Variants in LSM6 observed in about 807,000 individuals in gnomAD.
LSM6 encodes the protein U6 snRNA-associated Sm-like protein LSm6.
Under a neutral mutation model 13.5 loss-of-function variants are expected in LSM6, and 2 were observed. That is an observed-to-expected ratio of 0.15 (90% CI 0.06 to 0.47). The LOEUF is 0.47. Ranked by LOEUF, LSM6 falls within the 20% of genes least tolerant of loss-of-function variation. LSM6 has a pLI of 0.97. For missense variants in LSM6, 58 were observed against 96.4 expected (o/e 0.60, Z 1.67); for synonymous variants, 43 against 34.9 (o/e 1.23, Z -0.82).
chr4:146,179,882 G>A (rs1227947116), intron 1 of LSM6, among the ~76,000 whole-genome samples: 1 of 152,178 alleles, frequency 6.6e-6, no homozygotes, highest in Non-Finnish European at 1.5e-5. Flanking sequence ...TGTTCAAATA[G>A]ATTGCTGGCT....
chr4:146,188,617 G>A (rs1730398831), intron 3 of LSM6, among the ~76,000 whole-genome samples: 1 of 152,144 alleles, frequency 6.6e-6, no homozygotes, highest in Non-Finnish European at 1.5e-5. Flanking sequence ...AAGCCGAGTA[G>A]GCATGGAAGG....
intron 1 of LSM6, among the ~76,000 whole-genome samples, chr4:146,177,063 G>A (rs1238188750): frequency 2.0e-5 from 3 of 152,010 alleles, no homozygotes; most frequent in Admixed American, 6.6e-5. Flanking sequence ...TGGCGTTAAT[G>A]CGTTAGACTA....
At chr4:146,177,621 ATTTT>A (rs201188013) in intron 1 of LSM6, among the ~76,000 whole-genome samples, 1 of 151,730 alleles carries the variant, frequency 6.6e-6, no homozygotes, top group Non-Finnish European at 1.5e-5. Flanking sequence ...CCAAAGAACA[ATTTT>A]TTTTATTTTT....
At chr4:146,189,104 C>T (rs1294097795) in intron 3 of LSM6, among the ~76,000 whole-genome samples, 1 of 151,954 alleles carries the variant, frequency 6.6e-6, no homozygotes, top group Non-Finnish European at 1.5e-5. Context: ...GTCCTCCCAC[C>T]TCAGCGTTCT....
chr4:146,184,075 C>G (rs1226951725), intron 2 of LSM6, among the ~76,000 whole-genome samples: 1 of 152,004 alleles, frequency 6.6e-6, no homozygotes, highest in Non-Finnish European at 1.5e-5. Flanking sequence ...GCTACGTCCT[C>G]CAGAGAGGAG....
intron 1 of LSM6, among the ~76,000 whole-genome samples, chr4:146,177,371 C>T (rs1172008503): frequency 3.3e-5 from 5 of 152,286 alleles, no homozygotes; most frequent in South Asian, 2.1e-4. Flanking sequence ...TTTTAATCAT[C>T]GGAGAGACCT....
In LSM6 at chr4:146,189,827, T is replaced by G; in HGVS notation, c.*171T>G. ...CAATTGTGGATTTAATTGTGAAATG[T>G]TCTTTCACTTGTAAGTTTCAGTCAT... On this transcript the variant is annotated 3_prime_UTR_variant, in exon 4 of 4. Transcript: ENST00000296581. 1 of 540,384 alleles carries G rather than the reference T, an allele frequency of 1.9e-6. No homozygotes were observed. Among genetic ancestry groups the G allele is most frequent in the Non-Finnish European group, 3.3e-6 (1 of 305,406 alleles). The allele number at this position is 540,384 out of a possible 1,614,324, so 33.5% of individuals were successfully genotyped here. A position where few individuals can be genotyped will look rare whatever the true frequency, so the allele number is the denominator to read the frequency against.
At chr4:146,188,862 G>A (rs1365338223) in intron 3 of LSM6, among the ~76,000 whole-genome samples, 1 of 151,770 alleles carries the variant, frequency 6.6e-6, no homozygotes, top group Non-Finnish European at 1.5e-5. Context: ...TTATCCTGTT[G>A]CATTTAAGAA....
intron 3 of LSM6, among the ~76,000 whole-genome samples, 154 bp from the exon 4 acceptor site, chr4:146,189,468 C>A (rs1730421162): frequency 6.6e-6 from 1 of 151,778 alleles, no homozygotes; most frequent in African/African-American, 2.4e-5. Context: ...TAAAACTAGT[C>A]TTACAGTACT....
At chr4:146,183,059 T>TC in intron 2 of LSM6, 44 bp downstream of exon 2, 1 of 1,326,234 alleles carries the variant, frequency 7.5e-7, no homozygotes, top group Non-Finnish European at 1.1e-6. Flanking sequence ...ACTGAATAAG[T>TC]AAATGTGACT....
intron 1 of LSM6, 122 bp from the exon 2 acceptor site, chr4:146,182,790 G>A (rs542872033): frequency 1.8e-5 from 11 of 620,464 alleles, no homozygotes; most frequent in African/African-American, 9.3e-5. Flanking sequence ...AGTAATACGC[G>A]TCTTCTCGCA....
In LSM6 at chr4:146,187,123, T is replaced by TAAAAAA. The variant is rs1730367279; in HGVS notation, c.95-151_95-150insAAAAAA. On this transcript the variant is annotated intron_variant, in intron 2 of 3. Transcript: ENST00000296581. ...AGATTGGCATAGAGTTGTTTTGTGCTTAAGCTGTTGAGTTTCATTTATGGT... is the reference window on the plus strand; with the variant it reads ...AGATTGGCATAGAGTTGTTTTGTGCTAAAAAATAAGCTGTTGAGTTTCATTTATGGT... The TAAAAAA allele has an allele frequency of 5.2e-6, 3 of 574,724 alleles. No homozygotes were observed. The African/African-American group carries it at 5.6e-5, about 11-fold the overall frequency. The allele number at this position is 574,724 out of a possible 1,614,324, so 35.6% of individuals were successfully genotyped here. A position where few individuals can be genotyped will look rare whatever the true frequency, so the allele number is the denominator to read the frequency against.
At chr4:146,186,753 C>T (rs1435848163) in intron 2 of LSM6, among the ~76,000 whole-genome samples, 2 of 152,184 alleles carry the variant, frequency 1.3e-5, no homozygotes, top group Non-Finnish European at 2.9e-5. Flanking sequence ...GCTGTCTCCT[C>T]TTCTATTATT....
Position 146,189,821 on chromosome 4 carries a change from G to A in LSM6, c.*165G>A, listed in dbSNP as rs1303401765. ...TGTATACAATTGTGGATTTAATTGT[G>A]AAATGTTCTTTCACTTGTAAGTTTC... On this transcript the variant is annotated 3_prime_UTR_variant, in exon 4 of 4. Transcript: ENST00000296581. The A allele has an allele frequency of 9.2e-6, 5 of 544,208 alleles. No homozygotes were observed. Among genetic ancestry groups the A allele is most frequent in the African/African-American group, 2.0e-5 (1 of 50,820 alleles). The allele number at this position is 544,208 out of a possible 1,614,324, so 33.7% of individuals were successfully genotyped here. A position where few individuals can be genotyped will look rare whatever the true frequency, so the allele number is the denominator to read the frequency against.
chr4:146,185,216 A>C (rs1331516220), intron 2 of LSM6, among the ~76,000 whole-genome samples: 1 of 152,178 alleles, frequency 6.6e-6, no homozygotes, highest in African/African-American at 2.4e-5. Context: ...TGCATCAGGG[A>C]ACTTGGGTTT....
intron 2 of LSM6, among the ~76,000 whole-genome samples, chr4:146,185,518 A>G (rs966041603): frequency 6.6e-6 from 1 of 151,660 alleles, no homozygotes; most frequent in East Asian, 1.9e-4. Context: ...CAAAAAAAAA[A>G]AAAAAAGAAA....
chr4:146,176,608 G>A (rs1227921795), intron 1 of LSM6: 5 of 152,030 alleles, frequency 3.3e-5, no homozygotes, highest in Admixed American at 6.5e-5. Context: ...CTTGAACTAA[G>A]AGTGTACATG....
chr4:146,185,948 G>A, intron 2 of LSM6, among the ~76,000 whole-genome samples: 1 of 152,038 alleles, frequency 6.6e-6, no homozygotes, highest in Non-Finnish European at 1.5e-5. Flanking sequence ...TGTTAGCCAG[G>A]CTGATCTTGA....
intron 3 of LSM6, among the ~76,000 whole-genome samples, chr4:146,188,411 G>A (rs1730394515): frequency 6.6e-6 from 1 of 151,376 alleles, no homozygotes; most frequent in Non-Finnish European, 1.5e-5. Flanking sequence ...TGGGGGGCAG[G>A]GTTGGGGGGC....
Sources: allele counts gnomAD v4.1 joint callset (sites outside exome capture counted in the v4.1 genomes callset), GRCh38; gene constraint gnomAD v4.1.1; transcripts MANE v1.5; gene names NCBI Gene and HGNC (gene_info 2026-07-23, HGNC 2026-07-21).